The following INPP4B variants were observed in gnomAD, a reference collection of about 807,000 sequenced individuals.
The protein encoded by INPP4B is inositol polyphosphate 4-phosphatase type II.
Under a neutral mutation model 122.5 loss-of-function variants are expected in INPP4B, and 55 were observed. The ratio of observed to expected loss-of-function variants is 0.45; its 90% confidence interval spans 0.36 to 0.56. The LOEUF (loss-of-function observed/expected upper bound fraction) is 0.56, where lower values mean the gene tolerates loss of function less well. Among genes scored for constraint, INPP4B ranks in the 20% least tolerant of loss-of-function variants. INPP4B has a pLI of 0.00. For missense variants in INPP4B, 1,000 were observed against 1,097.7 expected (o/e 0.91, Z 1.26); for synonymous variants, 403 against 388.7 (o/e 1.04, Z -0.43).
chr4:142,791,396 T>A (rs1438971052), intron 1 of INPP4B, among the ~76,000 whole-genome samples: 1 of 152,150 alleles, frequency 6.6e-6, no homozygotes, highest in Non-Finnish European at 1.5e-5. Context: ...GCAATTAAGA[T>A]GAGATTCTGC....
chr4:142,295,308 T>C (rs1225703935), intron 9 of INPP4B, among the ~76,000 whole-genome samples: 1 of 152,090 alleles, frequency 6.6e-6, no homozygotes, highest in Non-Finnish European at 1.5e-5. Flanking sequence ...TGGGCATGAG[T>C]ATAAGATGCC....
intron 1 of INPP4B, among the ~76,000 whole-genome samples, chr4:142,840,865 T>G (rs997003140): frequency 1.3e-5 from 2 of 151,990 alleles, no homozygotes; most frequent in African/African-American, 4.8e-5. Context: ...AGAATGCTAT[T>G]GGAGATAAAT....
At chr4:142,453,885 T>C (rs1344347379) in intron 3 of INPP4B, among the ~76,000 whole-genome samples, 1 of 152,154 alleles carries the variant, frequency 6.6e-6, no homozygotes, top group African/African-American at 2.4e-5. Flanking sequence ...CTCCAGGCCA[T>C]TGTTCCACCT....
intron 1 of INPP4B, among the ~76,000 whole-genome samples, chr4:142,728,737 C>G (rs952522718): frequency 6.6e-6 from 1 of 152,100 alleles, no homozygotes; most frequent in Non-Finnish European, 1.5e-5. Flanking sequence ...AGGCATCAAG[C>G]AGATTCTTCT....
intron 1 of INPP4B, among the ~76,000 whole-genome samples, chr4:142,752,350 C>A (rs532519309): frequency 6.6e-6 from 1 of 152,036 alleles, no homozygotes; most frequent in South Asian, 2.1e-4. Flanking sequence ...TCCTAAAGAT[C>A]GGTTTGAATT....
At chr4:142,436,066 C>G (rs1810437116) in intron 3 of INPP4B, among the ~76,000 whole-genome samples, 1 of 152,208 alleles carries the variant, frequency 6.6e-6, no homozygotes, top group Admixed American at 6.5e-5. Flanking sequence ...TTTACCCCTG[C>G]TGAAGCCAGG....
chr4:142,564,455 G>GAAAA (rs1731176894), intron 2 of INPP4B, among the ~76,000 whole-genome samples: 1 of 116,592 alleles, frequency 8.6e-6, no homozygotes, highest in Admixed American at 9.3e-5. Context: ...AAAAAAAAAA[G>GAAAA]AAAGAAAGAA....
In INPP4B at chr4:142,110,125, G is replaced by A. The variant is rs147945152; in HGVS notation, c.2277-1935C>T. Among the ~76,000 whole-genome samples the A allele has an allele frequency of 2.7e-3, 417 of 152,226 alleles. 4 individuals carry two copies. The highest frequency in any genetic ancestry group is 9.6e-3 in the African/African-American group (400 of 41,548). On this transcript the variant is annotated intron_variant, in intron 22 of 25. Transcript: ENST00000262992. Reference sequence around the variant, plus strand: ...ATTCATATGTGGAAGCCCTAAGCCCGAAATGGCAATGGCAGTATTTTGAGA... The same window carrying A: ...ATTCATATGTGGAAGCCCTAAGCCCAAAATGGCAATGGCAGTATTTTGAGA...
At chr4:142,231,674 G>T (rs1330663210) in intron 12 of INPP4B, among the ~76,000 whole-genome samples, 1 of 152,048 alleles carries the variant, frequency 6.6e-6, no homozygotes, top group Admixed American at 6.6e-5. Flanking sequence ...AATCATAGCA[G>T]CCTTTTAAAT....
intron 2 of INPP4B, among the ~76,000 whole-genome samples, chr4:142,482,994 A>G (rs900547984): frequency 6.6e-6 from 1 of 152,192 alleles, no homozygotes; most frequent in Non-Finnish European, 1.5e-5. Context: ...AATGACATAA[A>G]AATTTCTTTA....
intron 1 of INPP4B, chr4:142,795,107 T>G (rs1445817871): frequency 6.6e-6 from 1 of 151,962 alleles, no homozygotes; most frequent in Admixed American, 6.6e-5. Flanking sequence ...ACTACCGGTG[T>G]ATGCAATAAT....
chr4:142,627,153 C>G (rs575419198), intron 2 of INPP4B, among the ~76,000 whole-genome samples: 17 of 152,238 alleles, frequency 1.1e-4, no homozygotes, highest in African/African-American at 4.1e-4. Context: ...AACTGCACCA[C>G]CTTAAGAATT....
intron 10 of INPP4B, among the ~76,000 whole-genome samples, chr4:142,267,896 A>T (rs1218536904): frequency 6.6e-6 from 1 of 152,176 alleles, no homozygotes. Context: ...GACCTAAAAA[A>T]CACTCGCAAA....
intron 1 of INPP4B, among the ~76,000 whole-genome samples, chr4:142,830,850 C>CAAAAAAAAAAAAAAAAAAAAAAAAAAA (rs70949194): frequency 1.1e-5 from 1 of 91,484 alleles, no homozygotes. Context: ...GCTGTCTCTA[C>CAAAAAAAAAAAAAAAAAAAAAAAAAAA]AAAAAAAAAA....
intron 1 of INPP4B, among the ~76,000 whole-genome samples, chr4:142,740,630 T>C (rs1346484981): frequency 6.6e-6 from 1 of 151,704 alleles, no homozygotes; most frequent in Admixed American, 6.6e-5. Flanking sequence ...ATTTTAGTCT[T>C]GTAAAAGATG....
At chr4:142,202,718 T>C (rs774248679) in intron 14 of INPP4B, 10 of 982,490 alleles carry the variant, frequency 1.0e-5, no homozygotes, top group Non-Finnish European at 1.2e-5. Context: ...AAAACATATA[T>C]TAGTTAAGCT....
intron 2 of INPP4B, among the ~76,000 whole-genome samples, chr4:142,715,565 T>C (rs1244588313): frequency 3.3e-5 from 5 of 152,028 alleles, no homozygotes; most frequent in African/African-American, 1.2e-4. Flanking sequence ...ATACAAAATG[T>C]CTATAACCAC....
chr4:142,129,837 TC>T (rs943112395), intron 18 of INPP4B, among the ~76,000 whole-genome samples: 7 of 152,022 alleles, frequency 4.6e-5, no homozygotes, highest in South Asian at 2.1e-4. Flanking sequence ...ATATCATTGC[TC>T]CCCCCCTCCT....
chr4:142,256,267 C>A (rs1266005316), intron 11 of INPP4B, among the ~76,000 whole-genome samples: 14 of 151,700 alleles, frequency 9.2e-5, no homozygotes, highest in African/African-American at 3.4e-4. Context: ...GATCTAAAAT[C>A]GACACCCTAA....
Sources: gnomAD v4.1 joint callset for allele counts (sites outside exome capture counted in the v4.1 genomes callset) on GRCh38, gnomAD v4.1.1 for gene constraint, MANE v1.5 for transcripts, NCBI Gene and HGNC (gene_info 2026-07-23, HGNC 2026-07-21) for gene names.